Variants in XCR1 observed in about 807,000 individuals in gnomAD.
The protein encoded by XCR1 is X-C motif chemokine receptor 1, also known as chemokine XC receptor 1.
For synonymous variants in XCR1, 187 were observed against 188.5 expected, an observed-to-expected ratio of 0.99 and a Z score of 0.06; for missense variants, 356 against 424.2, an observed-to-expected ratio of 0.84 and a Z score of 1.41.
At chr3:46,025,552 T>C (rs999253125) in intron 1 of XCR1, among the ~76,000 whole-genome samples, 1 of 152,228 alleles carries the variant, frequency 6.6e-6, no homozygotes, top group Non-Finnish European at 1.5e-5. Flanking sequence ...CAATTTTATG[T>C]TAAAAAATCC....
At chr3:46,023,845 T>C in intron 1 of XCR1, 1 of 1,526,590 alleles carries the variant, frequency 6.6e-7, no homozygotes, top group South Asian at 1.1e-5. Context: ...ACGTGTGGAA[T>C]TCCTTGTGGC....
At chr3:46,070,883 T>C (rs1040174234) in intron 3 of XCR1, among the ~76,000 whole-genome samples, 5 of 152,192 alleles carry the variant, frequency 3.3e-5, no homozygotes, top group African/African-American at 1.2e-4. Flanking sequence ...GGTTTGGTGG[T>C]ATTCTGTCAT....
At chr3:46,064,642 C>T (rs1698027430) in intron 4 of XCR1, among the ~76,000 whole-genome samples, 1 of 152,250 alleles carries the variant, frequency 6.6e-6, no homozygotes, top group African/African-American at 2.4e-5. Flanking sequence ...CTGACCACCA[C>T]TTTCGAAGTG....
At position 46,022,116 on chromosome 3, in the gene XCR1, A is replaced by C; in HGVS notation, c.-31-138T>G. 8.4e-6 allele frequency: 6 copies of C among 710,440 alleles called. No homozygotes were observed. In the South Asian group the frequency reaches 1.1e-4, roughly 13 times the overall value. The allele number at this position is 710,440 out of a possible 1,614,324, so 44.0% of individuals were successfully genotyped here. A position where few individuals can be genotyped will look rare whatever the true frequency, so the allele number is the denominator to read the frequency against. ...GGAGTTTGAGACCATCCCAGGCAAT[A>C]TAGTGACACCCCTGTCTCTACAAAA... On this transcript the variant is annotated intron_variant, in intron 1 of 1. Transcript: ENST00000309285.
At position 46,018,142 on chromosome 3, in the gene XCR1, A is replaced by G. The variant is rs1708077609; in HGVS notation, c.*2804T>C. 6.6e-6 allele frequency: 1 copy of G among 152,208 alleles called. No homozygotes were observed. Among genetic ancestry groups the G allele is most frequent in the South Asian group, 2.1e-4 (1 of 4,834 alleles). 9.4% of individuals were successfully genotyped at this position (152,208 alleles called of 1,614,324 possible). A position where few individuals can be genotyped will look rare whatever the true frequency, so the allele number is the denominator to read the frequency against. On this transcript the variant is annotated 3_prime_UTR_variant, in exon 2 of 2. Coordinates refer to ENST00000309285, the MANE Select transcript of XCR1 (RefSeq NM_001024644.2). ...GCCAGTCTATTAGGGATGCCAAAAC[A>G]TCACTGGAAGTATAAAGAGTCAGAT...
intron 5 of XCR1, among the ~76,000 whole-genome samples, chr3:46,034,684 A>G (rs1697386114): frequency 6.6e-6 from 1 of 152,202 alleles, no homozygotes; most frequent in African/African-American, 2.4e-5. Context: ...TATGATATAT[A>G]CCACCTGAAT....
intron 1 of XCR1, among the ~76,000 whole-genome samples, chr3:46,080,463 G>A (rs1698338407): frequency 1.3e-5 from 2 of 152,182 alleles, no homozygotes; most frequent in South Asian, 4.1e-4. Context: ...TTGGGAGGCT[G>A]AGGCATGAGA....
At chr3:46,070,965 C>T (rs994309986) in intron 3 of XCR1, among the ~76,000 whole-genome samples, 2 of 151,948 alleles carry the variant, frequency 1.3e-5, no homozygotes, top group African/African-American at 4.8e-5. Flanking sequence ...TTTATATTCT[C>T]ATGTGGTTTT....
chr3:46,040,176 C>CT (rs1384304661), intron 5 of XCR1, among the ~76,000 whole-genome samples: 2 of 152,004 alleles, frequency 1.3e-5, no homozygotes, highest in African/African-American at 2.4e-5. Context: ...GACCTCATGC[C>CT]TTTTTTATTA....
intron 4 of XCR1, among the ~76,000 whole-genome samples, chr3:46,058,651 G>A (rs1344155533): frequency 1.3e-5 from 2 of 152,150 alleles, no homozygotes; most frequent in Non-Finnish European, 2.9e-5. Context: ...GGGCTCAAGC[G>A]ATCCTCCCAC....
At chr3:46,067,310 G>A (rs937307667) in intron 3 of XCR1, among the ~76,000 whole-genome samples, 2 of 152,202 alleles carry the variant, frequency 1.3e-5, no homozygotes, top group Non-Finnish European at 2.9e-5. Context: ...TATCCAGGGA[G>A]AGGGGGCTGA....
intron 3 of XCR1, among the ~76,000 whole-genome samples, chr3:46,067,294 A>G (rs1003300079): frequency 4.6e-5 from 7 of 152,178 alleles, no homozygotes; most frequent in Non-Finnish European, 8.8e-5. Context: ...AAGGACAAGT[A>G]GGAGTTATCC....
chr3:46,037,095 G>T (rs549737441), intron 5 of XCR1, among the ~76,000 whole-genome samples: 1 of 152,204 alleles, frequency 6.6e-6, no homozygotes, highest in East Asian at 1.9e-4. Flanking sequence ...TTTATAAAAT[G>T]CTAATATCTG....
At chr3:46,057,882 G>GTCTATCTA (rs147836844) in intron 4 of XCR1, among the ~76,000 whole-genome samples, 5,865 of 134,756 alleles carry the variant, frequency 0.044, 178 homozygotes, top group South Asian at 0.071. Flanking sequence ...TTATCTGTCT[G>GTCTATCTA]TCTATCTATC....
At chr3:46,074,763 G>A (rs139527157) in intron 2 of XCR1, among the ~76,000 whole-genome samples, 1 of 152,128 alleles carries the variant, frequency 6.6e-6, no homozygotes, top group East Asian at 1.9e-4. Context: ...TGTTTCAGGG[G>A]TGGCAAAGGT....
rs13074382 is a variant in XCR1 at position 46,020,348 on chromosome 3, A to G, written c.*598T>C. 30,323 of 152,512 alleles carry G rather than the reference A, an allele frequency of 0.2. 4,417 individuals are homozygous for G. Among genetic ancestry groups the G allele is most frequent in the African/African-American group, 0.4 (16,508 of 41,470 alleles). The allele number at this position is 152,512 out of a possible 1,614,324, so 9.4% of individuals were successfully genotyped here. On this transcript the variant is annotated 3_prime_UTR_variant, in exon 2 of 2. Coordinates refer to ENST00000309285, the MANE Select transcript of XCR1 (RefSeq NM_001024644.2). ...GGGCCAGTTCGTGGGCTAGGACTTG[A>G]ATCCAGGATACAGAACATTTCTCCA...
chr3:46,064,653 C>T (rs1050311895), intron 4 of XCR1, among the ~76,000 whole-genome samples: 3 of 152,182 alleles, frequency 2.0e-5, no homozygotes, highest in Non-Finnish European at 4.4e-5. Flanking sequence ...TTTCGAAGTG[C>T]GACACATGAA....
At chr3:46,052,998 G>A (rs1227482363) in intron 5 of XCR1, among the ~76,000 whole-genome samples, 1 of 152,134 alleles carries the variant, frequency 6.6e-6, no homozygotes, top group Non-Finnish European at 1.5e-5. Flanking sequence ...TCTGAATAAG[G>A]GCCATTACCC....
chr3:46,018,064 G>C lies in XCR1; in HGVS notation c.*2882C>G, dbSNP rs1245678137. On this transcript the variant is annotated 3_prime_UTR_variant, in exon 2 of 2. Coordinates refer to ENST00000309285, the MANE Select transcript of XCR1 (RefSeq NM_001024644.2). ...CTTCTCTTTGTGCCTCTTCCCTTGG[G>C]TTCTTGAGGAGCTAGATTAGGGGAA... 1 of 152,162 alleles carries C rather than the reference G, an allele frequency of 6.6e-6. No individual in the cohort carries two copies. Among genetic ancestry groups the C allele is most frequent in the African/African-American group, 2.4e-5 (1 of 41,412 alleles). The allele number at this position is 152,162 out of a possible 1,614,324, so 9.4% of individuals were successfully genotyped here. A position where few individuals can be genotyped will look rare whatever the true frequency, so the allele number is the denominator to read the frequency against.
Sources: allele counts gnomAD v4.1 joint callset (sites outside exome capture counted in the v4.1 genomes callset), GRCh38; gene constraint gnomAD v4.1.1; transcripts MANE v1.5; gene names NCBI Gene and HGNC (gene_info 2026-07-23, HGNC 2026-07-21).